Variants in FNTB observed in about 807,000 individuals in gnomAD.
FNTB encodes protein farnesyltransferase subunit beta.
A neutral mutation model predicts 59.4 loss-of-function variants in FNTB; 27 were observed. The observed-to-expected ratio is 0.45, with a 90% confidence interval of 0.34 to 0.63. The LOEUF is 0.63. Ranked by LOEUF, FNTB falls within the 20% of genes least tolerant of loss-of-function variation. FNTB has a pLI of 0.02. For synonymous variants in FNTB, 230 were observed against 220.7 expected (o/e 1.04, Z -0.37); for missense variants, 449 against 559.6 (o/e 0.80, Z 1.99).
At chr14:65,036,090 C>T (rs1390537081) in intron 7 of FNTB, among the ~76,000 whole-genome samples, 1 of 152,068 alleles carries the variant, frequency 6.6e-6, no homozygotes, top group East Asian at 1.9e-4. Flanking sequence ...GCCTCAGCCC[C>T]ACAAAGTGTT....
In FNTB at chr14:64,994,934, A is replaced by AT. The variant is rs1289658810; in HGVS notation, c.144+7844dup. ...ATTATTTACTTCATGAACTTAAAAA[A>AT]TTTTTTTACAGCTTTTTGACCCTTT... is the stretch of plus-strand genomic sequence containing the variant. On this transcript the variant is annotated intron_variant, in intron 1 of 11. Coordinates refer to ENST00000246166, the MANE Select transcript of FNTB (RefSeq NM_002028.4). This position sits in a 1 kb window ranked among gnomAD's most constrained non-coding sequence, Gnocchi z 4.2. Among the ~76,000 whole-genome samples the AT allele has an allele frequency of 3.9e-5, 6 of 152,328 alleles. No individual in the cohort carries two copies. The South Asian group carries it at 1.0e-3, about 26-fold the overall frequency.
At chr14:65,015,858 C>T (rs2061763966) in intron 4 of FNTB, 142 bp downstream of exon 4, 3 of 881,198 alleles carry the variant, frequency 3.4e-6, no homozygotes, top group Non-Finnish European at 5.2e-6. Context: ...TGACCTCCGG[C>T]AACTTCCTGA....
chr14:65,007,895 G>A lies in FNTB; in HGVS notation c.209+3582G>A, dbSNP rs769484012. 3.3e-5 allele frequency among the ~76,000 whole-genome samples: 5 copies of A among 152,186 alleles called. No individual in the cohort carries two copies. The highest frequency in any genetic ancestry group is 7.3e-5 in the Non-Finnish European group (5 of 68,036). On this transcript the variant is annotated intron_variant, in intron 2 of 11. Coordinates refer to ENST00000246166, the MANE Select transcript of FNTB (RefSeq NM_002028.4). The surrounding 1 kb of genome is among the most constrained non-coding windows in gnomAD (Gnocchi z 4.9). The stretch of plus-strand genomic sequence containing the variant: ...CTCAGAAGTGAGAAATATTGATAAT[G>A]TCCCTGTGCTAATAGAGCCCTGGAG...
At chr14:65,026,078 A>G (rs1332104076) in intron 4 of FNTB, among the ~76,000 whole-genome samples, 1 of 152,234 alleles carries the variant, frequency 6.6e-6, no homozygotes, top group Admixed American at 6.5e-5. Flanking sequence ...TAGGCTATGT[A>G]GTCTTTCTGG....
At chr14:65,024,269 T>A (rs1254809549) in intron 4 of FNTB, among the ~76,000 whole-genome samples, 1 of 152,204 alleles carries the variant, frequency 6.6e-6, no homozygotes, top group Non-Finnish European at 1.5e-5. Context: ...TACTGCCACC[T>A]GGGTCCCACC....
At chr14:65,003,889 T>C (rs2061544514) in intron 1 of FNTB, 1 of 158,410 alleles carries the variant, frequency 6.3e-6, no homozygotes, top group Non-Finnish European at 1.4e-5. Context: ...AAATAATCCT[T>C]ATGCTGTTGA....
In FNTB at chr14:65,062,345, C is replaced by G. The variant is rs2062880550; in HGVS notation, c.*1033C>G. ...CAAGTGCTAGACACACTGGCTGCTA[C>G]TAAGGCACTAGCCTCTGTAGCTGGT... On this transcript the variant is annotated 3_prime_UTR_variant, in exon 12 of 12. Coordinates refer to ENST00000246166, the MANE Select transcript of FNTB (RefSeq NM_002028.4). The surrounding 1 kb of genome is among the most constrained non-coding windows in gnomAD (Gnocchi z 4.3). 6.6e-6 allele frequency: 1 copy of G among 152,382 alleles called. No individual in the cohort carries two copies. The highest frequency in any genetic ancestry group is 1.5e-5 in the Non-Finnish European group (1 of 68,068). 9.4% of individuals were successfully genotyped at this position (152,382 alleles called of 1,614,324 possible). A position where few individuals can be genotyped will look rare whatever the true frequency, so the allele number is the denominator to read the frequency against.
At chr14:65,000,895 A>T (rs1222233961) in intron 1 of FNTB, among the ~76,000 whole-genome samples, 2 of 151,546 alleles carry the variant, frequency 1.3e-5, no homozygotes, top group Non-Finnish European at 2.9e-5. Flanking sequence ...AGAAGAGGCG[A>T]TTCCTAAATT....
At chr14:65,008,496 A>G (rs573163142) in intron 2 of FNTB, among the ~76,000 whole-genome samples, 2 of 152,354 alleles carry the variant, frequency 1.3e-5, no homozygotes, top group African/African-American at 4.8e-5. Context: ...ATGAACACAA[A>G]TATACAGTTA....
Position 65,032,920 on chromosome 14 carries a change from T to C in FNTB, c.692+224T>C, listed in dbSNP as rs1005773084. ...TTAGATTGGCAAAGATAAAAAACTT[T>C]GGTAAACAATATTAGTGAGAGCCTG... On this transcript the variant is annotated intron_variant, in intron 7 of 11. Transcript: ENST00000246166. The surrounding 1 kb of genome is among the most constrained non-coding windows in gnomAD (Gnocchi z 5.0). Among the ~76,000 whole-genome samples, 6 of 152,250 alleles carry C rather than the reference T, an allele frequency of 3.9e-5. No homozygotes were observed. Among genetic ancestry groups the C allele is most frequent in the Non-Finnish European group, 7.3e-5 (5 of 68,048 alleles).
rs1023631805 is a variant in FNTB, at chr14:65,007,874, G to T, written c.209+3561G>T. On this transcript the variant is annotated intron_variant, in intron 2 of 11. Transcript: ENST00000246166. This position sits in a 1 kb window ranked among gnomAD's most constrained non-coding sequence, Gnocchi z 4.9. The stretch of plus-strand genomic sequence containing the variant: ...TGGGCAAGGAGACGGGTGCTCCTCA[G>T]AAGTGAGAAATATTGATAATGTCCC... Among the ~76,000 whole-genome samples the T allele has an allele frequency of 6.6e-6, 1 of 152,192 alleles. No homozygotes were observed. The highest frequency in any genetic ancestry group is 2.4e-5 in the African/African-American group (1 of 41,450).
At chr14:65,035,340 T>C (rs1350112637) in intron 7 of FNTB, among the ~76,000 whole-genome samples, 3 of 152,214 alleles carry the variant, frequency 2.0e-5, no homozygotes, top group Non-Finnish European at 4.4e-5. Context: ...AAAATCTGCC[T>C]GCCCTTTTTC....
chr14:65,042,544 A>G (rs1421362769), intron 8 of FNTB, among the ~76,000 whole-genome samples: 1 of 152,136 alleles, frequency 6.6e-6, no homozygotes, highest in Non-Finnish European at 1.5e-5. Context: ...AGCAGCTGTA[A>G]ATACAGATTA....
At chr14:65,008,016 T>A (rs2061622403) in intron 2 of FNTB, among the ~76,000 whole-genome samples, 1 of 152,220 alleles carries the variant, frequency 6.6e-6, no homozygotes, top group South Asian at 2.1e-4. Context: ...CCGTGTTTTC[T>A]ACTATTCCTG....
Position 65,023,062 on chromosome 14 carries a change from T to A in FNTB, c.375-4391T>A, listed in dbSNP as rs950582977. Among the ~76,000 whole-genome samples, 1 of 152,214 alleles carries A rather than the reference T, an allele frequency of 6.6e-6. No individual in the cohort carries two copies. Among genetic ancestry groups the A allele is most frequent in the Non-Finnish European group, 1.5e-5 (1 of 68,042 alleles). ...CTGATGACGGTGTTTAGAATCAACA[T>A]TGATTAATTGATTGAGACAGGGTCT... is the stretch of plus-strand genomic sequence containing the variant. On this transcript the variant is annotated intron_variant, in intron 4 of 11. Transcript: ENST00000246166. This position sits in a 1 kb window ranked among gnomAD's most constrained non-coding sequence, Gnocchi z 4.1.
At chr14:65,037,783 T>G (rs2139611647) in intron 7 of FNTB, among the ~76,000 whole-genome samples, 1 of 146,268 alleles carries the variant, frequency 6.8e-6, no homozygotes, top group Admixed American at 6.9e-5. Context: ...TTTATTTATT[T>G]ATTTATTTAT....
rs1406392298 is a variant in FNTB, at chr14:65,012,850, T to G, written c.282+461T>G. On this transcript the variant is annotated intron_variant, in intron 3 of 11. Transcript: ENST00000246166. This position sits in a 1 kb window ranked among gnomAD's most constrained non-coding sequence, Gnocchi z 5.0. ...TAGTAAGTACATTACTTTTCATATC[T>G]TCATTAAAGAGACAAAAAACCCTTT... Among the ~76,000 whole-genome samples, 1 of 152,252 alleles carries G rather than the reference T, an allele frequency of 6.6e-6. No individual in the cohort carries two copies.
chr14:65,044,374 G>A lies in FNTB; in HGVS notation c.886G>A (p.Val296Met). The change falls in exon 9 of 12, where the codon GTG becomes ATG. Residue 296 changes from valine (V) to methionine (M), a missense_variant. Around this residue, in one of 2 missense-constraint regions of FNTB, gnomAD observed 337 missense variants for 479.1 expected, o/e 0.70. Transcript: ENST00000246166. This position sits in a 1 kb window ranked among gnomAD's most constrained non-coding sequence, Gnocchi z 5.5. The part of the protein sequence containing the change: ...GGFQGRCNKL[V>M]DGCYSFWQAG... ...ATTTCAGGGCCGCTGCAACAAGCTGGTGGATGGCTGCTACTCCTTCTGGCA... is the reference window on the plus strand; with the variant it reads ...ATTTCAGGGCCGCTGCAACAAGCTGATGGATGGCTGCTACTCCTTCTGGCA... The A allele has an allele frequency of 6.2e-7, 1 of 1,613,450 alleles. No individual in the cohort carries two copies. The highest frequency in any genetic ancestry group is 8.5e-7 in the Non-Finnish European group (1 of 1,179,794).
At chr14:65,038,893 T>C (rs1428790507) in intron 7 of FNTB, among the ~76,000 whole-genome samples, 1 of 152,236 alleles carries the variant, frequency 6.6e-6, no homozygotes, top group Non-Finnish European at 1.5e-5. Flanking sequence ...CCTGACTACT[T>C]TTTTATCTAC....
Sources: gnomAD v4.1 joint callset for allele counts (sites outside exome capture counted in the v4.1 genomes callset) on GRCh38, gnomAD v4.1.1 for gene constraint, gnomAD v4.1.1 regional missense constraint, Gnocchi (gnomAD v3.1) non-coding constraint, MANE v1.5 for transcripts, NCBI Gene and HGNC (gene_info 2026-07-23, HGNC 2026-07-21) for gene names.